Variants in USP49 observed in about 807,000 individuals in gnomAD.
USP49 encodes the protein ubiquitin carboxyl-terminal hydrolase 49.
In USP49, 24 loss-of-function variants were observed where a neutral mutation model predicts 58.6. That is an observed-to-expected ratio of 0.41 (90% CI 0.30 to 0.58). The LOEUF (loss-of-function observed/expected upper bound fraction) is 0.58, where lower values mean the gene tolerates loss of function less well. USP49 is among the 20% of genes least tolerant of loss of function. USP49 has a pLI of 0.30. For synonymous variants in USP49, 408 were observed against 365.1 expected (o/e 1.12, Z -1.34); for missense variants, 703 against 866.1 (o/e 0.81, Z 2.36).
intron 2 of USP49, among the ~76,000 whole-genome samples, chr6:41,875,679 A>C (rs1397036325): frequency 6.6e-6 from 1 of 152,178 alleles, no homozygotes; most frequent in Non-Finnish European, 1.5e-5. Flanking sequence ...TGATGGACTT[A>C]AGTGTTTTCC....
rs542716737 is a variant in USP49, at chr6:41,840,520, C to CAGT, written c.-29+31041_-29+31043dup. ...CATAAAAGGAGTTTTGAAGAACCAA[C>CAGT]AGTAGTGGCTGACTCCACGGAAATG... On this transcript the variant is annotated intron_variant, in intron 3 of 7. Transcript: ENST00000682992. Among the ~76,000 whole-genome samples, 78 of 152,176 alleles carry CAGT rather than the reference C, an allele frequency of 5.1e-4. No individual in the cohort carries two copies. The East Asian group carries it at 0.011, about 21-fold the overall frequency.
At chr6:41,853,065 A>G (rs1774058179) in intron 3 of USP49, among the ~76,000 whole-genome samples, 2 of 152,184 alleles carry the variant, frequency 1.3e-5, no homozygotes. Flanking sequence ...CTGCGCCTGT[A>G]ATCCCTGTTA....
Position 41,806,760 on chromosome 6 carries a change from A to T in USP49, c.224T>A (p.Phe75Tyr). Residue 75 changes from phenylalanine to tyrosine, a missense_variant, in exon 4 of 8, where the codon TTC (phenylalanine) becomes TAC (tyrosine). Physicochemically the swap from Phe to Tyr is conservative, Grantham distance 22. Coordinates refer to ENST00000682992, the MANE Select transcript of USP49 (RefSeq NM_001286554.2). The surrounding 1 kb of genome is among the most constrained non-coding windows in gnomAD (Gnocchi z 5.9). The stretch of plus-strand genomic sequence containing the variant: ...CACGTAGTCCTTGCACAGGTAACAG[A>T]ACACGTAGAGATCCCGGACTTCCAT... ...LAMEVRDLYV[F>Y]CYLCKDYVLN... is the part of the protein sequence containing the mutation. The T allele has an allele frequency of 6.2e-7, 1 of 1,614,212 alleles. No homozygotes were observed. The highest frequency in any genetic ancestry group is 1.1e-5 in the South Asian group (1 of 91,084).
At chr6:41,865,891 A>C (rs1203923521) in intron 3 of USP49, among the ~76,000 whole-genome samples, 868 of 71,378 alleles carry the variant, frequency 0.012, no homozygotes, top group Middle Eastern at 0.052. Flanking sequence ...CAATCCTCCC[A>C]CCTCAGCCTT....
intron 3 of USP49, among the ~76,000 whole-genome samples, chr6:41,821,590 T>A (rs1365958041): frequency 6.6e-6 from 1 of 152,134 alleles, no homozygotes; most frequent in African/African-American, 2.4e-5. Flanking sequence ...CTGGCTAACA[T>A]GGTGAAACCC....
In USP49 at chr6:41,805,654, T is replaced by C. The variant is rs768452185; in HGVS notation, c.1330A>G (p.Ile444Val). 3.7e-6 allele frequency: 6 copies of C among 1,613,868 alleles called. No homozygotes were observed. The highest frequency in any genetic ancestry group is 3.3e-5 in the South Asian group (3 of 91,068). ...TGACTGAGCAGCTGCCCATGAAATATGGTATTCACCACCTTTAAGACCTGT... is the reference window on the plus strand; with the variant it reads ...TGACTGAGCAGCTGCCCATGAAATACGGTATTCACCACCTTTAAGACCTGT... ...TKQVLKVVNT[I>V]FHGQLLSQVT... The change falls in exon 4 of 8, where the codon ATA becomes GTA. Residue 444 changes from isoleucine to valine, a missense_variant. Physicochemically the swap from Ile to Val is conservative, Grantham distance 29. Transcript: ENST00000682992.
chr6:41,878,755 A>T (rs1400031385), intron 2 of USP49, among the ~76,000 whole-genome samples: 1 of 152,244 alleles, frequency 6.6e-6, no homozygotes, highest in East Asian at 1.9e-4. Context: ...TATTTATTAT[A>T]CTTCCTCCTA....
rs1773064282 is a variant in USP49, at chr6:41,803,963, A to G, written c.1404T>C (p.Phe468=). 1.2e-6 allele frequency: 2 copies of G among 1,614,210 alleles called. No individual in the cohort carries two copies. The highest frequency in any genetic ancestry group is 4.5e-5 in the East Asian group (2 of 44,884). The change falls in exon 5 of 8, where the codon TTT becomes TTC. Residue 468 remains phenylalanine, a synonymous_variant. Transcript: ENST00000682992. This position sits in a 1 kb window ranked among gnomAD's most constrained non-coding sequence, Gnocchi z 4.1. ...CAGGGAATTCCAGGGATAGGTCCCA[A>G]AAGGGCTCAATGGTATTGGATTTGT... ...CNYKSNTIEP[F]WDLSLEFPER... is the part of the protein sequence containing the mutation.
intron 2 of USP49, among the ~76,000 whole-genome samples, chr6:41,882,915 CAAAACAA>C (rs953300607): frequency 1.7e-4 from 25 of 151,242 alleles, no homozygotes; most frequent in African/African-American, 3.2e-4. Flanking sequence ...GATTCTGTCT[CAAAACAA>C]AAAACAAAAA....
At chr6:41,867,568 C>A (rs1774340538) in intron 3 of USP49, among the ~76,000 whole-genome samples, 1 of 150,116 alleles carries the variant, frequency 6.7e-6, no homozygotes, top group East Asian at 1.9e-4. Flanking sequence ...ATGGTGAAAC[C>A]CCGTCTCTAC....
rs9471670 is a variant in USP49, at chr6:41,822,159, C to A, written c.-28-15148G>T. 6.2e-3 allele frequency among the ~76,000 whole-genome samples: 939 copies of A among 152,300 alleles called. 8 individuals carry two copies. The highest frequency in any genetic ancestry group is 0.02 in the African/African-American group (819 of 41,572). On this transcript the variant is annotated intron_variant, in intron 3 of 7. Transcript: ENST00000682992. ...TATTTTCTCTGAGAAAATTATTTCA[C>A]ACTTGCAACTTGAGAAGCCAAGAAT...
chr6:41,825,969 A>G (rs1291257720), intron 3 of USP49, among the ~76,000 whole-genome samples: 1 of 152,234 alleles, frequency 6.6e-6, no homozygotes, highest in Non-Finnish European at 1.5e-5. Flanking sequence ...CAGAACTAAT[A>G]AGAACTAAAC....
intron 3 of USP49, among the ~76,000 whole-genome samples, chr6:41,865,902 C>A (rs1227303796): frequency 3.5e-5 from 5 of 141,670 alleles, no homozygotes; most frequent in Non-Finnish European, 7.6e-5. Context: ...CCTCAGCCTT[C>A]CAAAGCATGG....
At chr6:41,829,505 G>T (rs1002862010) in intron 3 of USP49, among the ~76,000 whole-genome samples, 1 of 152,120 alleles carries the variant, frequency 6.6e-6, no homozygotes, top group Non-Finnish European at 1.5e-5. Context: ...TAGAGATGGG[G>T]TTTCTCCATG....
chr6:41,883,774 A>T (rs760543374), intron 2 of USP49, among the ~76,000 whole-genome samples: 15 of 152,194 alleles, frequency 9.9e-5, no homozygotes, highest in Non-Finnish European at 1.9e-4. Context: ...ACCATTCAAC[A>T]GCCTCATAGT....
At chr6:41,797,150 C>CG (rs1232329375) in intron 7 of USP49, among the ~76,000 whole-genome samples, 1 of 151,988 alleles carries the variant, frequency 6.6e-6, no homozygotes, top group East Asian at 1.9e-4. Flanking sequence ...TTAGTAGAGA[C>CG]GGGGCTTCAC....
chr6:41,790,630 A>G lies in USP49; in HGVS notation c.*5903T>C, dbSNP rs1772781581. On this transcript the variant is annotated 3_prime_UTR_variant, in exon 8 of 8. Coordinates refer to ENST00000682992, the MANE Select transcript of USP49 (RefSeq NM_001286554.2). The stretch of plus-strand genomic sequence containing the variant: ...TAAGGACCACAGTGGCCTGTTAAGG[A>G]TGACAGATGTCTCTAGCAGTTTGTT... The G allele has an allele frequency of 6.6e-6, 1 of 152,220 alleles. No homozygotes were observed. The highest frequency in any genetic ancestry group is 1.5e-5 in the Non-Finnish European group (1 of 68,040). The allele number at this position is 152,220 out of a possible 1,614,324, so 9.4% of individuals were successfully genotyped here.
chr6:41,876,357 T>A (rs1406559104), intron 2 of USP49, among the ~76,000 whole-genome samples: 1 of 152,180 alleles, frequency 6.6e-6, no homozygotes, highest in African/African-American at 2.4e-5. Flanking sequence ...GAATGACATA[T>A]TTTTAAGTCA....
chr6:41,843,871 C>G (rs990603812), intron 3 of USP49, among the ~76,000 whole-genome samples: 1 of 152,084 alleles, frequency 6.6e-6, no homozygotes, highest in East Asian at 1.9e-4. Context: ...TAGTGAAACC[C>G]GGTCTCTACT....
Sources: gnomAD v4.1 joint callset for allele counts (sites outside exome capture counted in the v4.1 genomes callset) on GRCh38, gnomAD v4.1.1 for gene constraint, Gnocchi (gnomAD v3.1) non-coding constraint, MANE v1.5 for transcripts, NCBI Gene and HGNC (gene_info 2026-07-23, HGNC 2026-07-21) for gene names.